SRRM4: variants seen among roughly 807,000 people sequenced by gnomAD.
SRRM4 encodes the protein serine/arginine repetitive matrix protein 4.
A neutral mutation model predicts 68.9 loss-of-function variants in SRRM4; 33 were observed. The observed-to-expected ratio is 0.48, with a 90% CI of 0.36 to 0.64. SRRM4 has a LOEUF of 0.64. Ranked by LOEUF, SRRM4 falls within the 30% of genes least tolerant of loss-of-function variation. The pLI, the probability that SRRM4 is intolerant of heterozygous loss-of-function variation, is 0.00. For synonymous variants in SRRM4, 318 were observed against 318.8 expected (o/e 1.00, Z 0.03); for missense variants, 817 against 827.1 (o/e 0.99, Z 0.15).
At position 119,114,918 on chromosome 12, in the gene SRRM4, C is replaced by A. The variant is rs150448146; in HGVS notation, c.365+554C>A. On this transcript the variant is annotated intron_variant, in intron 3 of 12. Coordinates refer to ENST00000267260, the MANE Select transcript of SRRM4 (RefSeq NM_194286.4). ...TGACCTTGTGATCCGCCTGCCTCGG[C>A]CTTCCAAAGTGCTGGGGTTACAAGC... Among the ~76,000 whole-genome samples the A allele has an allele frequency of 1.3e-3, 203 of 151,984 alleles. 2 individuals are homozygous for A. The East Asian group carries it at 0.034, about 25-fold the overall frequency.
Position 118,996,949 on chromosome 12 carries a change from A to T in SRRM4, c.131+14936A>T, listed in dbSNP as rs768652378. Among the ~76,000 whole-genome samples, 3 of 152,246 alleles carry T rather than the reference A, an allele frequency of 2.0e-5. No individual in the cohort carries two copies. The East Asian group carries it at 5.8e-4, about 29-fold the overall frequency. ...CAGATAGAGGAGGAAGGTTCTGCACAGAGATGAGGTGGACCTCATGGGGCT... is the reference window on the plus strand; with the variant it reads ...CAGATAGAGGAGGAAGGTTCTGCACTGAGATGAGGTGGACCTCATGGGGCT... On this transcript the variant is annotated intron_variant, in intron 1 of 12. Transcript: ENST00000267260.
chr12:119,147,724 A>T (rs1163345909), intron 9 of SRRM4, among the ~76,000 whole-genome samples: 2 of 152,216 alleles, frequency 1.3e-5, no homozygotes, highest in Non-Finnish European at 2.9e-5. Context: ...TTTTTTACCC[A>T]TCTTAACACA....
chr12:119,080,945 C>T (rs923228219), intron 1 of SRRM4, among the ~76,000 whole-genome samples: 2 of 152,290 alleles, frequency 1.3e-5, no homozygotes, highest in East Asian at 1.9e-4. Flanking sequence ...AGCCCCAATC[C>T]GCACCTTTCT....
intron 1 of SRRM4, among the ~76,000 whole-genome samples, chr12:119,020,509 T>C (rs1240854214): frequency 2.0e-5 from 3 of 152,184 alleles, no homozygotes; most frequent in African/African-American, 7.2e-5. Context: ...ATTCGTCTTA[T>C]CAGTAACTGT....
chr12:119,075,391 GA>G (rs1355139655), intron 1 of SRRM4, among the ~76,000 whole-genome samples: 4 of 78,086 alleles, frequency 5.1e-5, no homozygotes, highest in South Asian at 8.4e-4. Flanking sequence ...TGGTGAGGAT[GA>G]TGATGATGAT....
chr12:119,139,452 T>A (rs1323274396), intron 8 of SRRM4, among the ~76,000 whole-genome samples: 1 of 152,192 alleles, frequency 6.6e-6, no homozygotes, highest in Non-Finnish European at 1.5e-5. Context: ...ACTATCTGAA[T>A]ATCTCTGATG....
At chr12:119,120,130 T>TTCTTCCTTC in intron 4 of SRRM4, 120 bp from the exon 5 acceptor site, 1 of 529,028 alleles carries the variant, frequency 1.9e-6, no homozygotes, top group East Asian at 4.2e-5. Flanking sequence ...ATCCCTCCCT[T>TTCTTCCTTC]TCTTCCTTCC....
intron 5 of SRRM4, among the ~76,000 whole-genome samples, chr12:119,121,637 C>T (rs1565913117): frequency 1.3e-5 from 2 of 152,196 alleles, no homozygotes; most frequent in Non-Finnish European, 2.9e-5. Flanking sequence ...GCAATCCTAA[C>T]CAAGTTTCTT....
At chr12:118,997,932 C>T (rs1953359448) in intron 1 of SRRM4, among the ~76,000 whole-genome samples, 1 of 152,080 alleles carries the variant, frequency 6.6e-6, no homozygotes, top group Admixed American at 6.5e-5. Context: ...TTGTAAGGCA[C>T]TAATTGTCAA....
Position 118,982,108 on chromosome 12 carries a change from AG to A in SRRM4, c.131+98del, listed in dbSNP as rs969649293. On this transcript the variant is annotated intron_variant, in intron 1 of 12. Coordinates refer to ENST00000267260, the MANE Select transcript of SRRM4 (RefSeq NM_194286.4). ...AGGGGTGGATGCAGGCAGCCGGGCCAGGGCGCCTGTCTTTTCCCGTCACTAC... is the reference window on the plus strand; with the variant it reads ...AGGGGTGGATGCAGGCAGCCGGGCCAGGCGCCTGTCTTTTCCCGTCACTAC... The A allele has an allele frequency of 5.5e-6, 8 of 1,451,916 alleles. No individual in the cohort carries two copies. The African/African-American group carries it at 1.0e-4, about 18-fold the overall frequency. 89.9% of individuals were successfully genotyped at this position (1,451,916 alleles called of 1,614,324 possible). A position where few individuals can be genotyped will look rare whatever the true frequency, so the allele number is the denominator to read the frequency against.
chr12:119,075,142 T>A (rs985379412), intron 1 of SRRM4, among the ~76,000 whole-genome samples: 1 of 152,188 alleles, frequency 6.6e-6, no homozygotes, highest in Non-Finnish European at 1.5e-5. Context: ...TAAGCTCCAA[T>A]TGAAATAAAT....
At chr12:119,082,143 C>T (rs902822306) in intron 1 of SRRM4, among the ~76,000 whole-genome samples, 8 of 152,062 alleles carry the variant, frequency 5.3e-5, no homozygotes, top group South Asian at 4.2e-4. Flanking sequence ...CCTCATTATT[C>T]GGCAGGAGTT....
At chr12:119,121,366 C>T (rs908501910) in intron 5 of SRRM4, among the ~76,000 whole-genome samples, 1 of 152,198 alleles carries the variant, frequency 6.6e-6, no homozygotes, top group Admixed American at 6.5e-5. Flanking sequence ...TCCCTGATCT[C>T]TATTTGATTA....
chr12:119,152,615 G>T (rs1314425752), intron 10 of SRRM4, among the ~76,000 whole-genome samples: 1 of 152,166 alleles, frequency 6.6e-6, no homozygotes, highest in African/African-American at 2.4e-5. Context: ...ACTCTATATG[G>T]TGCAGTGAAT....
chr12:119,081,171 C>T (rs567746501), intron 1 of SRRM4, among the ~76,000 whole-genome samples: 8 of 152,026 alleles, frequency 5.3e-5, no homozygotes, highest in Non-Finnish European at 5.9e-5. Flanking sequence ...GTAAGGGGCT[C>T]GTCCAATAAA....
intron 6 of SRRM4, 122 bp from the exon 7 acceptor site, chr12:119,125,259 A>G (rs7311828): frequency 0.49 from 411,072 of 845,616 alleles, 101,605 homozygotes; most frequent in East Asian, 0.56. Flanking sequence ...GAGATGGAGA[A>G]CTTCGGGAGG....
intron 4 of SRRM4, 98 bp downstream of exon 4, chr12:119,117,106 T>A: frequency 1.0e-6 from 1 of 975,530 alleles, no homozygotes. Flanking sequence ...TCATGTCATT[T>A]ATGTAAAACA....
chr12:119,123,850 T>A (rs1314305408), intron 6 of SRRM4, among the ~76,000 whole-genome samples: 1 of 152,128 alleles, frequency 6.6e-6, no homozygotes, highest in Non-Finnish European at 1.5e-5. Flanking sequence ...CCAGACACTG[T>A]CCTGGCCTTG....
chr12:119,153,274 C>T (rs533400112), intron 10 of SRRM4, among the ~76,000 whole-genome samples: 3 of 152,218 alleles, frequency 2.0e-5, no homozygotes, highest in Admixed American at 1.3e-4. Context: ...GACAAGAAAA[C>T]GGCCCAGGGA....
Sources: allele counts gnomAD v4.1 joint callset (sites outside exome capture counted in the v4.1 genomes callset), GRCh38; gene constraint gnomAD v4.1.1; transcripts MANE v1.5; gene names NCBI Gene and HGNC (gene_info 2026-07-23, HGNC 2026-07-21).